The following EML6 variants were observed in gnomAD, a reference collection of about 807,000 sequenced individuals.
EML6 encodes echinoderm microtubule-associated protein-like 6.
Under a neutral mutation model 240.1 loss-of-function variants are expected in EML6, and 154 were observed. The ratio of observed to expected loss-of-function variants is 0.64; its 90% CI spans 0.56 to 0.73. The LOEUF (loss-of-function observed/expected upper bound fraction) is 0.73, where lower values mean the gene tolerates loss of function less well. EML6 is among the 30% of genes least tolerant of loss of function. The pLI is 0.00. For missense variants in EML6, 2,964 were observed against 2,474.6 expected, an observed-to-expected ratio of 1.20 and a Z score of -4.20; for synonymous variants, 1,148 against 899.0, an observed-to-expected ratio of 1.28 and a Z score of -4.95.
At chr2:54,939,457 C>T (rs1675314312) in intron 28 of EML6, among the ~76,000 whole-genome samples, 2 of 152,194 alleles carry the variant, frequency 1.3e-5, no homozygotes, top group African/African-American at 4.8e-5. Flanking sequence ...AGTTTACTTC[C>T]ATGTGGATGG....
chr2:54,813,119 CTT>C lies in EML6; in HGVS notation c.198-111_198-110del, dbSNP rs1196656712. 3.9e-6 allele frequency: 3 copies of C among 762,312 alleles called. 1 individual carries two copies. 47.2% of individuals were successfully genotyped at this position (762,312 alleles called of 1,614,324 possible). A position where few individuals can be genotyped will look rare whatever the true frequency, so the allele number is the denominator to read the frequency against. On this transcript the variant is annotated intron_variant, in intron 2 of 41. Coordinates refer to ENST00000356458, the MANE Select transcript of EML6 (RefSeq NM_001039753.4). Reference sequence around the variant, plus strand: ...AATTACTTTGGGGACAGTTCAGACTCTTTCTCTTGAGATCACCTTGTTAGATA... The same window carrying C: ...AATTACTTTGGGGACAGTTCAGACTCTCTCTTGAGATCACCTTGTTAGATA...
chr2:54,820,595 T>G lies in EML6; in HGVS notation c.525+133T>G, dbSNP rs1314342590. On this transcript the variant is annotated intron_variant, in intron 5 of 41. Transcript: ENST00000356458. Reference sequence around the variant, plus strand: ...TCAATATAGAGCCCTCTTACCTGTTTCTCTGCTCCTGAAGCAAACTAACAT... The same window carrying G: ...TCAATATAGAGCCCTCTTACCTGTTGCTCTGCTCCTGAAGCAAACTAACAT... 9.0e-6 allele frequency: 5 copies of G among 556,888 alleles called. No homozygotes were observed. The African/African-American group carries it at 9.5e-5, about 11-fold the overall frequency. 34.5% of individuals were successfully genotyped at this position (556,888 alleles called of 1,614,324 possible). A position where few individuals can be genotyped will look rare whatever the true frequency, so the allele number is the denominator to read the frequency against.
chr2:54,904,019 A>G (rs1369222070), intron 24 of EML6, among the ~76,000 whole-genome samples: 2 of 152,180 alleles, frequency 1.3e-5, no homozygotes, highest in Admixed American at 6.5e-5. Context: ...ATGCCCACAA[A>G]TGCCATGAGG....
chr2:54,946,969 T>A (rs1011240368), intron 28 of EML6, among the ~76,000 whole-genome samples: 7 of 151,936 alleles, frequency 4.6e-5, no homozygotes, highest in Non-Finnish European at 8.8e-5. Context: ...ATATATACAA[T>A]CTCCTGTATA....
chr2:54,788,070 C>T (rs533961890), intron 2 of EML6, among the ~76,000 whole-genome samples: 1 of 152,188 alleles, frequency 6.6e-6, no homozygotes, highest in African/African-American at 2.4e-5. Flanking sequence ...GACCCCCTCC[C>T]TTCGCACGTG....
At chr2:54,907,684 A>T (rs906116402) in intron 24 of EML6, among the ~76,000 whole-genome samples, 1 of 152,202 alleles carries the variant, frequency 6.6e-6, no homozygotes, top group Non-Finnish European at 1.5e-5. Context: ...GCAAAGCTCT[A>T]TGGTACCCGC....
intron 26 of EML6, among the ~76,000 whole-genome samples, chr2:54,922,933 CTTTTT>C (rs36078208): frequency 1.8e-4 from 13 of 73,850 alleles, no homozygotes; most frequent in Non-Finnish European, 2.2e-4. Context: ...AGGGTATAAA[CTTTTT>C]TTTTTTTTTT....
chr2:54,865,878 A>G (rs954841860), intron 13 of EML6, among the ~76,000 whole-genome samples: 3 of 152,256 alleles, frequency 2.0e-5, no homozygotes, highest in Admixed American at 6.5e-5. Context: ...TGAAGCCCAC[A>G]GAGGTTATGA....
chr2:54,899,529 C>T, intron 21 of EML6, 112 bp from the exon 22 acceptor site: 2 of 1,075,088 alleles, frequency 1.9e-6, no homozygotes, highest in Non-Finnish European at 1.3e-6. Context: ...GTGTTTATTC[C>T]TATTTGTGCT....
intron 29 of EML6, among the ~76,000 whole-genome samples, chr2:54,950,386 A>C (rs1033840929): frequency 6.6e-6 from 1 of 152,248 alleles, no homozygotes; most frequent in African/African-American, 2.4e-5. Flanking sequence ...ACACTGACAG[A>C]GCCAGGAAGT....
intron 2 of EML6, among the ~76,000 whole-genome samples, chr2:54,808,084 A>G (rs924962756): frequency 3.3e-5 from 5 of 152,180 alleles, no homozygotes; most frequent in African/African-American, 1.2e-4. Flanking sequence ...GGTTCACACA[A>G]TTCAGGAAAA....
chr2:54,963,735 G>A (rs1196866357), intron 36 of EML6, among the ~76,000 whole-genome samples: 2 of 152,178 alleles, frequency 1.3e-5, no homozygotes, highest in Admixed American at 1.3e-4. Context: ...GTCTAAAGTG[G>A]GTGCTACCTA....
chr2:54,970,314 A>G lies in EML6; in HGVS notation c.*219A>G, dbSNP rs1676934718. 1.7e-6 allele frequency: 1 copy of G among 594,204 alleles called. No homozygotes were observed. Among genetic ancestry groups the G allele is most frequent in the East Asian group, 2.8e-5 (1 of 35,394 alleles). The allele number at this position is 594,204 out of a possible 1,614,324, so 36.8% of individuals were successfully genotyped here. On this transcript the variant is annotated 3_prime_UTR_variant, in exon 42 of 42. Transcript: ENST00000356458. ...AAGGAAGGTCAAGTTTTAAAATGTTAAAGACTGCTTGCCTCTGTTCCTGAG... is the reference window on the plus strand; with the variant it reads ...AAGGAAGGTCAAGTTTTAAAATGTTGAAGACTGCTTGCCTCTGTTCCTGAG...
intron 7 of EML6, among the ~76,000 whole-genome samples, chr2:54,832,199 A>G (rs978625835): frequency 2.0e-5 from 3 of 152,234 alleles, no homozygotes; most frequent in Non-Finnish European, 4.4e-5. Context: ...GGTAACAACT[A>G]AAGTCTGGCC....
At chr2:54,729,280 C>T (rs1683050817) in intron 2 of EML6, among the ~76,000 whole-genome samples, 1 of 152,348 alleles carries the variant, frequency 6.6e-6, no homozygotes, top group East Asian at 1.9e-4. Flanking sequence ...GTACCATCCT[C>T]AGATGAAGGG....
intron 16 of EML6, among the ~76,000 whole-genome samples, chr2:54,873,077 A>G (rs976968467): frequency 1.3e-5 from 2 of 152,236 alleles, no homozygotes; most frequent in Non-Finnish European, 2.9e-5. Flanking sequence ...AAATGAACAA[A>G]TGAGGTTCTG....
intron 25 of EML6, among the ~76,000 whole-genome samples, 198 bp from the exon 26 acceptor site, chr2:54,916,561 T>C (rs941805857): frequency 2.6e-5 from 4 of 152,228 alleles, no homozygotes; most frequent in Non-Finnish European, 4.4e-5. Flanking sequence ...CATTTGGGTA[T>C]TTGACTGCAG....
intron 16 of EML6, among the ~76,000 whole-genome samples, chr2:54,875,773 T>C (rs905773672): frequency 1.3e-5 from 2 of 152,260 alleles, no homozygotes; most frequent in Non-Finnish European, 2.9e-5. Flanking sequence ...GGAACCATTT[T>C]TGTTTTGTGC....
In EML6 at chr2:54,971,726, A is replaced by G. The variant is rs1421683064; in HGVS notation, c.*1631A>G. ...TGCAGAGTGATAACCATGTCTGCCT[A>G]TCTTGTACTAGACTCTTCATGCTGA... On this transcript the variant is annotated 3_prime_UTR_variant, in exon 42 of 42. Transcript: ENST00000356458. 6.6e-6 allele frequency: 1 copy of G among 152,204 alleles called. No homozygotes were observed. Among genetic ancestry groups the G allele is most frequent in the African/African-American group, 2.4e-5 (1 of 41,444 alleles). The allele number at this position is 152,204 out of a possible 1,614,324, so 9.4% of individuals were successfully genotyped here. A position where few individuals can be genotyped will look rare whatever the true frequency, so the allele number is the denominator to read the frequency against.
Sources: allele counts gnomAD v4.1 joint callset (sites outside exome capture counted in the v4.1 genomes callset), GRCh38; gene constraint gnomAD v4.1.1; transcripts MANE v1.5; gene names NCBI Gene and HGNC (gene_info 2026-07-23, HGNC 2026-07-21).